The following BTRC variants were observed in gnomAD, a reference collection of about 807,000 sequenced individuals.
BTRC encodes the protein beta-transducin repeat containing E3 ubiquitin protein ligase, also known as F-box/WD repeat-containing protein 1A.
Under a neutral mutation model 85.5 loss-of-function variants are expected in BTRC, and 42 were observed. The observed-to-expected ratio is 0.49, with a 90% CI of 0.38 to 0.64. The LOEUF (loss-of-function observed/expected upper bound fraction) is 0.64. Among genes scored for constraint, BTRC ranks in the 30% least tolerant of loss-of-function variants. The pLI, the probability that BTRC is intolerant of heterozygous loss-of-function variation, is 0.00. For synonymous variants in BTRC, 255 were observed against 263.3 expected, an observed-to-expected ratio of 0.97 and a Z score of 0.30; for missense variants, 594 against 743.5, an observed-to-expected ratio of 0.80 and a Z score of 2.34.
At chr10:101,362,642 G>A (rs1041440661) in intron 1 of BTRC, among the ~76,000 whole-genome samples, 4 of 151,866 alleles carry the variant, frequency 2.6e-5, no homozygotes, top group Non-Finnish European at 4.4e-5. Context: ...TGATCCGCCC[G>A]CCTCTGCCTC....
chr10:101,508,527 T>C (rs1946600159), intron 4 of BTRC, among the ~76,000 whole-genome samples: 2 of 152,200 alleles, frequency 1.3e-5, no homozygotes, highest in Admixed American at 1.3e-4. Context: ...ATTCTATATG[T>C]ACCATTTTCT....
At chr10:101,467,682 C>A (rs979745972) in intron 3 of BTRC, among the ~76,000 whole-genome samples, 1 of 151,046 alleles carries the variant, frequency 6.6e-6, no homozygotes, top group African/African-American at 2.4e-5. Flanking sequence ...TCCTAAAGTG[C>A]TTTGGGCTTT....
intron 2 of BTRC, among the ~76,000 whole-genome samples, 155 bp downstream of exon 2, chr10:101,430,607 A>G (rs1294090467): frequency 1.3e-5 from 2 of 152,196 alleles, no homozygotes; most frequent in Non-Finnish European, 2.9e-5. Context: ...TTTAATGATT[A>G]GTTTATAATG....
intron 4 of BTRC, among the ~76,000 whole-genome samples, chr10:101,499,316 A>T (rs541181836): frequency 6.6e-6 from 1 of 151,706 alleles, no homozygotes; most frequent in East Asian, 2.0e-4. Flanking sequence ...GGCTCACTGC[A>T]ACCTCCGCCT....
chr10:101,536,860 G>GT (rs2062394948), intron 12 of BTRC, among the ~76,000 whole-genome samples: 1 of 152,006 alleles, frequency 6.6e-6, no homozygotes, highest in Admixed American at 6.6e-5. Context: ...TATTATACTT[G>GT]TTTGCACATG....
chr10:101,375,613 C>A (rs1282363613), intron 1 of BTRC, among the ~76,000 whole-genome samples: 1 of 152,190 alleles, frequency 6.6e-6, no homozygotes, highest in Non-Finnish European at 1.5e-5. Context: ...AAACAGGTAG[C>A]AAAGCGTTGC....
chr10:101,366,947 T>C (rs1317095532), intron 1 of BTRC, among the ~76,000 whole-genome samples: 1 of 42,118 alleles, frequency 2.4e-5, no homozygotes, highest in African/African-American at 8.5e-5. Flanking sequence ...TTTATATATA[T>C]TTATATATAT....
chr10:101,459,399 A>G (rs1478725247), intron 2 of BTRC, among the ~76,000 whole-genome samples: 2 of 151,966 alleles, frequency 1.3e-5, no homozygotes, highest in African/African-American at 4.8e-5. Context: ...TTCTGCTTCT[A>G]CTCTTTAGTA....
intron 1 of BTRC, among the ~76,000 whole-genome samples, chr10:101,398,652 T>C (rs1943423096): frequency 6.6e-6 from 1 of 152,200 alleles, no homozygotes; most frequent in Non-Finnish European, 1.5e-5. Context: ...TTGAACATTA[T>C]CTGAGTGTGA....
In BTRC at chr10:101,555,823, T is replaced by A. The variant is rs889349507; in HGVS notation, c.*2700T>A. 2.6e-5 allele frequency: 4 copies of A among 152,282 alleles called. No individual in the cohort carries two copies. The highest frequency in any genetic ancestry group is 4.8e-5 in the African/African-American group (2 of 41,458). The allele number at this position is 152,282 out of a possible 1,614,324, so 9.4% of individuals were successfully genotyped here. On this transcript the variant is annotated 3_prime_UTR_variant, in exon 15 of 15. Transcript: ENST00000370187. ...TCTCACTAAAATTTACTTTCCAACGTAGGGCCTAAAGGAAACCTTTCTTAA... is the reference window on the plus strand; with the variant it reads ...TCTCACTAAAATTTACTTTCCAACGAAGGGCCTAAAGGAAACCTTTCTTAA...
intron 13 of BTRC, among the ~76,000 whole-genome samples, chr10:101,549,073 CAAA>C (rs2062603982): frequency 6.6e-6 from 1 of 150,762 alleles, no homozygotes; most frequent in Non-Finnish European, 1.5e-5. Flanking sequence ...AAGCCAGACA[CAAA>C]AGAATACATA....
rs764561828 is a variant in BTRC at position 101,430,425 on chromosome 10, A to G, written c.129A>G (p.Pro43=). ...SMPSLRCLYN[P]GTGALTAFQN... ...CTTCGCTGCGATGCCTGTATAACCC[A>G]GGGACTGGCGCACTCACAGCTTTCC... The change falls in exon 2 of 15, where the codon CCA becomes CCG. Residue 43 remains proline, a synonymous_variant. Coordinates refer to ENST00000370187, the MANE Select transcript of BTRC (RefSeq NM_033637.4). 5 of 1,613,680 alleles carry G rather than the reference A, an allele frequency of 3.1e-6. No individual in the cohort carries two copies. In the East Asian group the frequency reaches 8.9e-5, roughly 29 times the overall value.
intron 13 of BTRC, among the ~76,000 whole-genome samples, chr10:101,544,258 C>T (rs962490638): frequency 1.3e-5 from 2 of 152,118 alleles, no homozygotes; most frequent in Non-Finnish European, 2.9e-5. Context: ...TTTACCCACA[C>T]GTTTACCTTT....
At chr10:101,391,194 A>G (rs1943228830) in intron 1 of BTRC, among the ~76,000 whole-genome samples, 1 of 152,210 alleles carries the variant, frequency 6.6e-6, no homozygotes, top group Admixed American at 6.5e-5. Flanking sequence ...GCCCTTAAGC[A>G]GTTATATTAG....
At position 101,510,167 on chromosome 10, in the gene BTRC, C is replaced by T. The variant is rs549412771; in HGVS notation, c.325-11472C>T. Among the ~76,000 whole-genome samples, 6 of 151,522 alleles carry T rather than the reference C, an allele frequency of 4.0e-5. No individual in the cohort carries two copies. In the South Asian group the frequency reaches 1.0e-3, roughly 26 times the overall value. ...AAAAAAGAAAAGAAAAAGAAAGATG[C>T]TTTTACAAAGAAATCAAAGGAAAAT... On this transcript the variant is annotated intron_variant, in intron 4 of 14. Transcript: ENST00000370187.
At chr10:101,522,361 A>C (rs1182131353) in intron 5 of BTRC, among the ~76,000 whole-genome samples, 2 of 68,234 alleles carry the variant, frequency 2.9e-5, no homozygotes, top group Non-Finnish European at 5.9e-5. Flanking sequence ...TTAAAAAAAA[A>C]AAAAACAAAA....
intron 1 of BTRC, among the ~76,000 whole-genome samples, chr10:101,427,212 G>A (rs2134070666): frequency 6.7e-6 from 1 of 149,156 alleles, no homozygotes; most frequent in African/African-American, 2.5e-5. Context: ...CCGCCTTCCG[G>A]GTTCAAGCGA....
chr10:101,384,209 G>A (rs894263410), intron 1 of BTRC, among the ~76,000 whole-genome samples: 5 of 152,136 alleles, frequency 3.3e-5, no homozygotes, highest in Non-Finnish European at 5.9e-5. Context: ...AATTTGTTAC[G>A]TCATAGAGAT....
chr10:101,382,277 C>A (rs1942955979), intron 1 of BTRC, among the ~76,000 whole-genome samples: 1 of 151,902 alleles, frequency 6.6e-6, no homozygotes, highest in Non-Finnish European at 1.5e-5. Flanking sequence ...GCCACCGCGT[C>A]CGGCCCCTAA....
Sources: gnomAD v4.1 joint callset for allele counts (sites outside exome capture counted in the v4.1 genomes callset) on GRCh38, gnomAD v4.1.1 for gene constraint, MANE v1.5 for transcripts, NCBI Gene and HGNC (gene_info 2026-07-23, HGNC 2026-07-21) for gene names.